The following EEIG2 variants were observed in gnomAD, a reference collection of about 807,000 sequenced individuals.
EEIG2 encodes the protein family with sequence similarity 102 member B.
the EEIG2 span, among the ~76,000 whole-genome samples, chr1:108,604,692 G>A: frequency 6.6e-6 from 1 of 151,996 alleles, no homozygotes; most frequent in African/African-American, 2.4e-5. Flanking sequence ...AAGATCGGGA[G>A]CCTTTGGCTT....
At chr1:108,568,104 A>T in the EEIG2 span, among the ~76,000 whole-genome samples, 1 of 152,272 alleles carries the variant, frequency 6.6e-6, no homozygotes, top group Non-Finnish European at 1.5e-5. Flanking sequence ...TAGTCACATT[A>T]TTGGATAGTC....
At chr1:108,622,924 G>A in the EEIG2 span, among the ~76,000 whole-genome samples, 1 of 152,088 alleles carries the variant, frequency 6.6e-6, no homozygotes, top group Non-Finnish European at 1.5e-5. Context: ...GTTTTCCTCT[G>A]CAATATCAGC....
the EEIG2 span, among the ~76,000 whole-genome samples, chr1:108,601,241 T>G: frequency 6.6e-5 from 10 of 152,140 alleles, no homozygotes; most frequent in Admixed American, 5.9e-4. Context: ...AATGGTAATT[T>G]CATATGGTTC....
At chr1:108,628,192 T>C in the EEIG2 span, 1 of 1,614,182 alleles carries the variant, frequency 6.2e-7, no homozygotes, top group Non-Finnish European at 8.5e-7. Flanking sequence ...GTGCCTCTGT[T>C]CCAGACGAAC....
the EEIG2 span, among the ~76,000 whole-genome samples, chr1:108,574,629 T>C: frequency 6.6e-6 from 1 of 152,198 alleles, no homozygotes; most frequent in African/African-American, 2.4e-5. Flanking sequence ...CAGGTGCCTG[T>C]AATCCCAGCT....
At chr1:108,629,641 C>A in the EEIG2 span, 1 of 1,610,478 alleles carries the variant, frequency 6.2e-7, no homozygotes. Context: ...CTTTGGCAGT[C>A]ATCATCTTCC....
the EEIG2 span, among the ~76,000 whole-genome samples, chr1:108,564,870 C>T: frequency 6.6e-6 from 1 of 151,944 alleles, no homozygotes; most frequent in Non-Finnish European, 1.5e-5. Context: ...TCGCTTGAAC[C>T]CGGGAGGCAG....
the EEIG2 span, among the ~76,000 whole-genome samples, chr1:108,597,906 G>A: frequency 1.3e-5 from 2 of 152,262 alleles, no homozygotes; most frequent in East Asian, 1.9e-4. Flanking sequence ...ACAACCAAGC[G>A]CCTTGATGCT....
At chr1:108,579,762 T>TGA in the EEIG2 span, among the ~76,000 whole-genome samples, 1 of 22,908 alleles carries the variant, frequency 4.4e-5, no homozygotes, top group Admixed American at 5.8e-4. Context: ...TGTGTGTGTG[T>TGA]GTGTGTGTGT....
chr1:108,626,003 A>T, the EEIG2 span: 1 of 152,106 alleles, frequency 6.6e-6, no homozygotes, highest in Non-Finnish European at 1.5e-5. Context: ...AGTCCTGTGG[A>T]CATTTGTTCT....
the EEIG2 span, chr1:108,627,036 T>G: frequency 6.6e-6 from 1 of 152,368 alleles, no homozygotes; most frequent in South Asian, 2.1e-4. Context: ...TGTCTTATTT[T>G]GTACTTCCTA....
At chr1:108,572,608 ATTTAT>A in the EEIG2 span, among the ~76,000 whole-genome samples, 17 of 151,404 alleles carry the variant, frequency 1.1e-4, no homozygotes, top group East Asian at 2.9e-3. Flanking sequence ...GATTTATTTG[ATTTAT>A]TTTATTTTAT....
the EEIG2 span, among the ~76,000 whole-genome samples, chr1:108,599,271 G>A: frequency 1.3e-5 from 2 of 152,064 alleles, no homozygotes; most frequent in African/African-American, 2.4e-5. Context: ...CACCACAGCA[G>A]TTTTCCTGTC....
At chr1:108,572,646 C>T in the EEIG2 span, among the ~76,000 whole-genome samples, 1 of 152,096 alleles carries the variant, frequency 6.6e-6, no homozygotes, top group African/African-American at 2.4e-5. Context: ...GACGGAGTCT[C>T]GCCCTGTCGC....
At chr1:108,615,999 AATT>A in the EEIG2 span, among the ~76,000 whole-genome samples, 1 of 152,084 alleles carries the variant, frequency 6.6e-6, no homozygotes, top group African/African-American at 2.4e-5. Flanking sequence ...ATTACTGGTA[AATT>A]ATTATTGCTA....
At chr1:108,602,486 C>T in the EEIG2 span, among the ~76,000 whole-genome samples, 1 of 152,090 alleles carries the variant, frequency 6.6e-6, no homozygotes, top group Non-Finnish European at 1.5e-5. Flanking sequence ...CATAATTTTC[C>T]CTCTTTGCAT....
chr1:108,612,244 C>T, the EEIG2 span: 1 of 1,613,708 alleles, frequency 6.2e-7, no homozygotes, highest in Non-Finnish European at 8.5e-7. Context: ...CCGCTGTTTA[C>T]TGGAAGGCTA....
chr1:108,607,304 A>G, the EEIG2 span, among the ~76,000 whole-genome samples: 2 of 152,034 alleles, frequency 1.3e-5, no homozygotes, highest in Admixed American at 1.3e-4. Flanking sequence ...TTCTCCCTGT[A>G]TTACTTTTTT....
the EEIG2 span, among the ~76,000 whole-genome samples, chr1:108,607,715 G>T: frequency 6.6e-6 from 1 of 152,192 alleles, no homozygotes; most frequent in Non-Finnish European, 1.5e-5. Flanking sequence ...GCAGGGCATT[G>T]ATTCTGGGCT....
Sources: allele counts gnomAD v4.1 joint callset (sites outside exome capture counted in the v4.1 genomes callset), GRCh38; gene constraint gnomAD v4.1.1; transcripts MANE v1.5; gene names NCBI Gene and HGNC (gene_info 2026-07-23, HGNC 2026-07-21).